Variants in ZDHHC8 observed in about 807,000 individuals in gnomAD.
ZDHHC8 encodes palmitoyltransferase ZDHHC8.
A neutral mutation model predicts 61.2 loss-of-function variants in ZDHHC8; 24 were observed. The ratio of observed to expected loss-of-function variants is 0.39; its 90% CI spans 0.28 to 0.55. The LOEUF (loss-of-function observed/expected upper bound fraction) is 0.55, where lower values mean the gene tolerates loss of function less well. ZDHHC8 is among the 20% of genes least tolerant of loss of function. The pLI is 0.60. For missense variants in ZDHHC8, 935 were observed against 1,102.1 expected (o/e 0.85, Z 2.15); for synonymous variants, 523 against 492.5 (o/e 1.06, Z -0.82).
chr22:20,147,336 C>G lies in ZDHHC8; in HGVS notation c.*1936C>G. ...GGCAGGGCTGGGGGTGGGCTGGGCT[C>G]TCTGCTCCACCAGCCACAGCTTGAC... is the stretch of plus-strand genomic sequence containing the variant. On this transcript the variant is annotated 3_prime_UTR_variant, in exon 11 of 11. Transcript: ENST00000334554. 3 of 1,142,866 alleles carry G rather than the reference C, an allele frequency of 2.6e-6. No homozygotes were observed. Among genetic ancestry groups the G allele is most frequent in the Non-Finnish European group, 3.5e-6 (3 of 852,576 alleles). The allele number at this position is 1,142,866 out of a possible 1,614,324, so 70.8% of individuals were successfully genotyped here.
Position 20,140,720 on chromosome 22 carries a change from C to T in ZDHHC8, c.752+12C>T. ...CCCCTGGCGCCCCGGTGAGGCCCGG[C>T]CTGGGCAGGGTGGAGGGGGGCCTCT... On this transcript the variant is annotated intron_variant, in intron 6 of 10. Transcript: ENST00000334554. 2 of 1,607,502 alleles carry T rather than the reference C, an allele frequency of 1.2e-6. No individual in the cohort carries two copies. The highest frequency in any genetic ancestry group is 2.2e-5 in the South Asian group (2 of 90,272).
In ZDHHC8 at chr22:20,143,318, G is replaced by A. The variant is rs769592618; in HGVS notation, c.1688G>A (p.Arg563His). 1.2e-5 allele frequency: 19 copies of A among 1,594,674 alleles called. No homozygotes were observed. In the East Asian group the frequency reaches 1.8e-4, roughly 15 times the overall value. Residue 563 changes from arginine (R) to histidine (H), a missense_variant, in exon 10 of 11, where the codon CGC becomes CAC. Physicochemically the swap from Arg to His is conservative, Grantham distance 29. Coordinates refer to ENST00000334554, the MANE Select transcript of ZDHHC8 (RefSeq NM_013373.4). ...QERKDREERE[R>H]LLRSQADSLF... ...CGCAAGGACAGGGAGGAGCGTGAGC[G>A]CCTGCTGCGCTCCCAGGCCGACTCA... is the stretch of plus-strand genomic sequence containing the variant.
Position 20,145,469 on chromosome 22 carries a change from AC to A in ZDHHC8, c.*71del. On this transcript the variant is annotated 3_prime_UTR_variant, in exon 11 of 11. Transcript: ENST00000334554. ...ACCCCACAGCGCACCCCCCCTCCCC[AC>A]CAACTTCTCTGCCCCAGGGACCCGA... 7.6e-7 allele frequency: 1 copy of A among 1,323,732 alleles called. No individual in the cohort carries two copies. The highest frequency in any genetic ancestry group is 9.7e-7 in the Non-Finnish European group (1 of 1,034,698). The allele number at this position is 1,323,732 out of a possible 1,614,324, so 82.0% of individuals were successfully genotyped here.
Position 20,140,853 on chromosome 22 carries a change from C to T in ZDHHC8, c.753-18C>T, listed in dbSNP as rs746292350. ...TGTGGCAGGTGGGCTGGCTACTGAC[C>T]CCTGTGCCCTGGTGCAGGTACGTGG... On this transcript the variant is annotated intron_variant, in intron 6 of 10. Coordinates refer to ENST00000334554, the MANE Select transcript of ZDHHC8 (RefSeq NM_013373.4). 6.3e-7 allele frequency: 1 copy of T among 1,599,978 alleles called. No homozygotes were observed. Among genetic ancestry groups the T allele is most frequent in the Non-Finnish European group, 8.5e-7 (1 of 1,179,454 alleles).
At chr22:20,137,340 G>T (rs1048326987) in intron 1 of ZDHHC8, among the ~76,000 whole-genome samples, 5 of 152,238 alleles carry the variant, frequency 3.3e-5, no homozygotes, top group South Asian at 2.1e-4. Context: ...TGCCTGATGG[G>T]CGAACACACC....
At position 20,143,768 on chromosome 22, in the gene ZDHHC8, G is replaced by A; in HGVS notation, c.2126+12G>A. 6.3e-7 allele frequency: 1 copy of A among 1,598,802 alleles called. No individual in the cohort carries two copies. Among genetic ancestry groups the A allele is most frequent in the Non-Finnish European group, 8.5e-7 (1 of 1,176,960 alleles). On this transcript the variant is annotated intron_variant, in intron 10 of 10. Transcript: ENST00000334554. ...CTGACCGTGCAGAGGTGGGTGCCGG[G>A]AGGTGCGGGTGGGCTTCCTGGCACA...
At position 20,140,996 on chromosome 22, in the gene ZDHHC8, G is replaced by T; in HGVS notation, c.878G>T (p.Gly293Val). ...CTTAGTGACAACGGGCTGAAGGCTG[G>T]CCTGGGCCGTAGCAAGGTGGGCGCC... Reference protein sequence around the residue: ...VKLSDNGLKAGLGRSKSKGSL... With the variant: ...VKLSDNGLKAVLGRSKSKGSL... The change falls in exon 7 of 11, where the codon GGC becomes GTC. Residue 293 changes from glycine to valine, a missense_variant. Around this residue, in one of 3 missense-constraint regions of ZDHHC8, gnomAD observed 692 missense variants for 731.4 expected, o/e 0.95. Transcript: ENST00000334554. 1 of 1,611,120 alleles carries T rather than the reference G, an allele frequency of 6.2e-7. No homozygotes were observed. Among genetic ancestry groups the T allele is most frequent in the South Asian group, 1.1e-5 (1 of 91,086 alleles).
intron 9 of ZDHHC8, 52 bp downstream of exon 9, chr22:20,141,582 C>T (rs2050471764): frequency 1.3e-6 from 2 of 1,483,694 alleles, no homozygotes; most frequent in South Asian, 2.5e-5. Context: ...AGGCCCGCCT[C>T]TAGGAGCTCG....
chr22:20,139,716 C>A lies in ZDHHC8; in HGVS notation c.385-4C>A, dbSNP rs775675450. The stretch of plus-strand genomic sequence containing the variant: ...ATGTGCCCTGATGCACTGCTCCCGC[C>A]CAGGACTTTGACCACCACTGCCCCT... On this transcript the variant is annotated splice_region_variant and splice_polypyrimidine_tract_variant and intron_variant, in intron 3 of 10. Coordinates refer to ENST00000334554, the MANE Select transcript of ZDHHC8 (RefSeq NM_013373.4). 1 of 1,612,226 alleles carries A rather than the reference C, an allele frequency of 6.2e-7. No homozygotes were observed. Among genetic ancestry groups the A allele is most frequent in the South Asian group, 1.1e-5 (1 of 91,072 alleles).
chr22:20,145,604 G>A lies in ZDHHC8; in HGVS notation c.*204G>A. On this transcript the variant is annotated 3_prime_UTR_variant, in exon 11 of 11. Transcript: ENST00000334554. ...CCACTCATCTGCCCATGGGGAAGTC[G>A]GCTCACTGGGACAAGGGCCACTGGG... 3 of 1,234,892 alleles carry A rather than the reference G, an allele frequency of 2.4e-6. No homozygotes were observed. Among genetic ancestry groups the A allele is most frequent in the African/African-American group, 1.6e-5 (1 of 63,838 alleles). The allele number at this position is 1,234,892 out of a possible 1,614,324, so 76.5% of individuals were successfully genotyped here. A position where few individuals can be genotyped will look rare whatever the true frequency, so the allele number is the denominator to read the frequency against.
In ZDHHC8 at chr22:20,140,639, G is replaced by A; in HGVS notation, c.683G>A (p.Gly228Asp). 6.2e-7 allele frequency: 1 copy of A among 1,610,756 alleles called. No homozygotes were observed. Among genetic ancestry groups the A allele is most frequent in the Non-Finnish European group, 8.5e-7 (1 of 1,179,118 alleles). The change falls in exon 6 of 11, where the codon GGT (glycine) becomes GAT (aspartate). Residue 228 changes from glycine (G) to aspartate (D), a missense_variant. This residue lies in a region of ZDHHC8 where 199 missense variants were observed against 334.0 expected (regional missense o/e 0.60). Transcript: ENST00000334554. ...NEQVTGKFRGGVNPFTRGCCG... is the reference protein window; with the variant it reads ...NEQVTGKFRGDVNPFTRGCCG... ...CAGGTGACTGGGAAGTTCCGCGGGG[G>A]TGTGAACCCTTTCACCCGAGGCTGC... is the stretch of plus-strand genomic sequence containing the variant.
Position 20,140,931 on chromosome 22 carries a change from G to A in ZDHHC8, c.813G>A (p.Arg271=). ...LAVSLKPPFL[R]PELLDRAAPL... ...TGAGTTTGAAGCCGCCTTTCCTTAG[G>A]CCTGAACTCCTGGACCGAGCTGCAC... Residue 271 remains arginine, a synonymous_variant, in exon 7 of 11, where the codon AGG becomes AGA. Coordinates refer to ENST00000334554, the MANE Select transcript of ZDHHC8 (RefSeq NM_013373.4). The A allele has an allele frequency of 6.2e-7, 1 of 1,609,154 alleles. No individual in the cohort carries two copies. The highest frequency in any genetic ancestry group is 2.2e-5 in the East Asian group (1 of 44,882).
At chr22:20,139,422 G>A (rs1269036041) in intron 2 of ZDHHC8, 56 bp from the exon 3 acceptor site, 80 of 1,605,918 alleles carry the variant, frequency 5.0e-5, no homozygotes, top group Non-Finnish European at 6.2e-5. Context: ...TTGGGGGAGG[G>A]ATTCACCTGC....
chr22:20,145,217 GT>G lies in ZDHHC8; in HGVS notation c.2127-8del. 6.8e-7 allele frequency: 1 copy of G among 1,478,940 alleles called. No homozygotes were observed. Among genetic ancestry groups the G allele is most frequent in the East Asian group, 2.5e-5 (1 of 39,672 alleles). 91.6% of individuals were successfully genotyped at this position (1,478,940 alleles called of 1,614,324 possible). On this transcript the variant is annotated splice_polypyrimidine_tract_variant and intron_variant, in intron 10 of 10. Coordinates refer to ENST00000334554, the MANE Select transcript of ZDHHC8 (RefSeq NM_013373.4). ...ACCGTGTGCATGTGTGTATGTGCTT[GT>G]TTTGATGCAGGGACCACCCTCAGCT... is the stretch of plus-strand genomic sequence containing the variant.
At position 20,141,404 on chromosome 22, in the gene ZDHHC8, G is replaced by A. The variant is rs372666687; in HGVS notation, c.1016-17G>A. 1.6e-4 allele frequency: 262 copies of A among 1,612,536 alleles called. No individual in the cohort carries two copies. Among genetic ancestry groups the A allele is most frequent in the Non-Finnish European group, 2.2e-4 (254 of 1,179,644 alleles). On this transcript the variant is annotated splice_polypyrimidine_tract_variant and intron_variant, in intron 8 of 10. Coordinates refer to ENST00000334554, the MANE Select transcript of ZDHHC8 (RefSeq NM_013373.4). ...ACCCTCCTCTGACCTCAGTCTGACA[G>A]TGGTCTGCATCCCCAGAGAGTGCCC...
intron 1 of ZDHHC8, among the ~76,000 whole-genome samples, chr22:20,138,454 A>G (rs2148005098): frequency 6.6e-6 from 1 of 152,190 alleles, no homozygotes; most frequent in South Asian, 2.1e-4. Context: ...GGGCTGAGGA[A>G]GGCGCCTTTC....
chr22:20,141,181 C>G (rs1267116567), intron 7 of ZDHHC8, 36 bp from the exon 8 acceptor site: 1 of 1,597,582 alleles, frequency 6.3e-7, no homozygotes, highest in Admixed American at 1.7e-5. Context: ...GCCCCTCATC[C>G]AAGCCCCACA....
chr22:20,144,000 C>G (rs193115066), intron 10 of ZDHHC8, among the ~76,000 whole-genome samples: 1 of 152,174 alleles, frequency 6.6e-6, no homozygotes, highest in Non-Finnish European at 1.5e-5. Context: ...CTGAGCCCGA[C>G]GACTCGTTCT....
chr22:20,136,920 C>T (rs1408166894), intron 1 of ZDHHC8, among the ~76,000 whole-genome samples: 1 of 152,194 alleles, frequency 6.6e-6, no homozygotes, highest in African/African-American at 2.4e-5. Context: ...TGCGTGTGCT[C>T]CTCATCTTCT....
Sources: gnomAD v4.1 joint callset for allele counts (sites outside exome capture counted in the v4.1 genomes callset) on GRCh38, gnomAD v4.1.1 for gene constraint, gnomAD v4.1.1 regional missense constraint, MANE v1.5 for transcripts, NCBI Gene and HGNC (gene_info 2026-07-23, HGNC 2026-07-21) for gene names.